SCAI: variants seen among roughly 807,000 people sequenced by gnomAD.
SCAI encodes suppressor of cancer cell invasion, also known as protein SCAI.
SCAI carries 24 observed loss-of-function variants against 92.2 expected under a neutral mutation model. The ratio of observed to expected loss-of-function variants is 0.26; its 90% CI spans 0.19 to 0.37. The LOEUF (loss-of-function observed/expected upper bound fraction) is 0.37, where lower values mean the gene tolerates loss of function less well. Ranked by LOEUF, SCAI falls within the 10% of genes least tolerant of loss-of-function variation. SCAI has a pLI of 1.00. For synonymous variants in SCAI, 261 were observed against 258.6 expected, an observed-to-expected ratio of 1.01 and a Z score of -0.09; for missense variants, 450 against 736.2, an observed-to-expected ratio of 0.61 and a Z score of 4.50.
intron 13 of SCAI, among the ~76,000 whole-genome samples, chr9:124,995,520 C>T (rs1335216719): frequency 1.4e-4 from 21 of 151,784 alleles, no homozygotes; most frequent in South Asian, 2.1e-4. Context: ...CGTCTTGCTC[C>T]GTGGCCCAGG....
intron 9 of SCAI, chr9:125,003,799 T>G: frequency 2.1e-6 from 1 of 484,526 alleles, no homozygotes; most frequent in South Asian, 2.9e-5. Context: ...TTTTTTATAT[T>G]TGCTTTTTCA....
chr9:125,013,621 TC>T, intron 9 of SCAI, among the ~76,000 whole-genome samples: 1 of 152,264 alleles, frequency 6.6e-6, no homozygotes, highest in East Asian at 1.9e-4. Flanking sequence ...CTGGTACCAT[TC>T]CTTCTGAAAC....
rs1273489929 is a variant in SCAI at position 125,029,676 on chromosome 9, G to A, written c.294C>T (p.Tyr98=). The A allele has an allele frequency of 6.2e-7, 1 of 1,612,830 alleles. No homozygotes were observed. The highest frequency in any genetic ancestry group is 8.5e-7 in the Non-Finnish European group (1 of 1,179,198). Residue 98 remains tyrosine, a synonymous_variant, in exon 4 of 18, where the codon TAC becomes TAT. Coordinates refer to ENST00000336505, the MANE Select transcript of SCAI (RefSeq NM_001144877.3). ...GCTGCTGGAACTTCCAGAGTTTGGT[G>A]TAAACATCAAAAGTTCTTCCAAAAT... ...QSYFGRTFDV[Y]TKLWKFQQQH...
intron 9 of SCAI, among the ~76,000 whole-genome samples, chr9:125,009,967 C>T (rs531802897): frequency 9.9e-5 from 15 of 152,204 alleles, no homozygotes; most frequent in South Asian, 4.1e-4. Flanking sequence ...GGCCAAGGTG[C>T]GCAGATCACG....
chr9:125,039,962 C>A (rs1833285974), intron 3 of SCAI, among the ~76,000 whole-genome samples: 1 of 152,108 alleles, frequency 6.6e-6, no homozygotes, highest in Non-Finnish European at 1.5e-5. Context: ...TAATAAAAGT[C>A]TCTAGAAAAC....
intron 14 of SCAI, among the ~76,000 whole-genome samples, chr9:124,980,840 A>C (rs1212328406): frequency 6.6e-6 from 1 of 152,190 alleles, no homozygotes; most frequent in Non-Finnish European, 1.5e-5. Flanking sequence ...AGTCCTGTGA[A>C]TCTTCCTAGG....
intron 14 of SCAI, among the ~76,000 whole-genome samples, chr9:124,985,104 G>A (rs1415218626): frequency 6.6e-6 from 1 of 152,040 alleles, no homozygotes; most frequent in African/African-American, 2.4e-5. Context: ...GAATCCTCAG[G>A]GCTACAGCCT....
At chr9:125,069,247 T>G (rs1415179770) in intron 2 of SCAI, among the ~76,000 whole-genome samples, 1 of 151,432 alleles carries the variant, frequency 6.6e-6, no homozygotes, top group Admixed American at 6.6e-5. Flanking sequence ...AACAAAAAAA[T>G]TTATTCTGAC....
At chr9:125,018,712 G>C (rs1477910929) in intron 9 of SCAI, 87 bp downstream of exon 9, 31 of 1,160,144 alleles carry the variant, frequency 2.7e-5, no homozygotes, top group Non-Finnish European at 3.7e-6. Context: ...AGGATGTTAG[G>C]ATATTTATAA....
chr9:125,096,429 G>T (rs1834554571), intron 2 of SCAI, among the ~76,000 whole-genome samples: 1 of 152,180 alleles, frequency 6.6e-6, no homozygotes. Context: ...TCCCCACCAG[G>T]GATGGTCCTT....
chr9:125,139,420 CAACAACAAA>C (rs150351225), intron 2 of SCAI, among the ~76,000 whole-genome samples: 167 of 152,056 alleles, frequency 1.1e-3, no homozygotes, highest in Non-Finnish European at 1.8e-3. Context: ...ACAACAACAA[CAACAACAAA>C]AACAACAAAA....
At chr9:124,988,759 G>A (rs1832049308) in intron 14 of SCAI, among the ~76,000 whole-genome samples, 1 of 152,158 alleles carries the variant, frequency 6.6e-6, no homozygotes, top group Non-Finnish European at 1.5e-5. Context: ...AATGCAGAGA[G>A]AAAAATAAAT....
intron 2 of SCAI, among the ~76,000 whole-genome samples, chr9:125,065,818 A>T (rs1321044829): frequency 6.6e-6 from 1 of 152,354 alleles, no homozygotes; most frequent in East Asian, 1.9e-4. Flanking sequence ...AGTAGAATGA[A>T]GGACAAAAAT....
intron 9 of SCAI, among the ~76,000 whole-genome samples, chr9:125,009,078 ACTC>A (rs1434435261): frequency 6.6e-6 from 1 of 152,176 alleles, no homozygotes; most frequent in Admixed American, 6.5e-5. Flanking sequence ...AAATTATCAA[ACTC>A]AAGTTGGAGA....
At chr9:125,123,297 A>C (rs1448326170) in intron 2 of SCAI, among the ~76,000 whole-genome samples, 1 of 150,088 alleles carries the variant, frequency 6.7e-6, no homozygotes, top group African/African-American at 2.4e-5. Flanking sequence ...GGGGAGATGG[A>C]GGTTGCAGTG....
intron 9 of SCAI, among the ~76,000 whole-genome samples, chr9:125,012,099 G>A (rs926731916): frequency 4.6e-5 from 7 of 152,140 alleles, no homozygotes; most frequent in African/African-American, 9.7e-5. Context: ...AAAGACCATC[G>A]AGGCTAGGAA....
intron 2 of SCAI, among the ~76,000 whole-genome samples, chr9:125,116,191 A>C (rs1007120857): frequency 6.6e-6 from 1 of 152,184 alleles, no homozygotes; most frequent in Admixed American, 6.5e-5. Flanking sequence ...TCTCAAAAAA[A>C]ATTAATTTAA....
At chr9:125,099,807 C>T (rs1202692441) in intron 2 of SCAI, among the ~76,000 whole-genome samples, 1 of 152,190 alleles carries the variant, frequency 6.6e-6, no homozygotes, top group Non-Finnish European at 1.5e-5. Context: ...TTGTGTCTGG[C>T]TTATTTCATT....
intron 2 of SCAI, among the ~76,000 whole-genome samples, chr9:125,069,771 C>T (rs1056936913): frequency 2.0e-5 from 3 of 151,598 alleles, no homozygotes; most frequent in Non-Finnish European, 2.9e-5. Context: ...TACAGGCGCC[C>T]GCCACCACAC....
Sources: allele counts gnomAD v4.1 joint callset (sites outside exome capture counted in the v4.1 genomes callset), GRCh38; gene constraint gnomAD v4.1.1; transcripts MANE v1.5; gene names NCBI Gene and HGNC (gene_info 2026-07-23, HGNC 2026-07-21).